Variants in GDE1 observed in about 807,000 individuals in gnomAD.
GDE1 encodes glycerophosphodiester phosphodiesterase 1.
In GDE1, 24 loss-of-function variants were observed where a neutral mutation model predicts 32.2. That is an observed-to-expected ratio of 0.75 (90% CI 0.54 to 1.05). GDE1 has a LOEUF of 1.05. GDE1 is among the 50% of genes least tolerant of loss of function. The pLI, the probability that GDE1 is intolerant of heterozygous loss-of-function variation, is 0.00. For synonymous variants in GDE1, 159 were observed against 158.6 expected, an observed-to-expected ratio of 1.00 and a Z score of -0.02; for missense variants, 380 against 415.0, an observed-to-expected ratio of 0.92 and a Z score of 0.73.
chr16:19,505,208 C>G, intron 4 of GDE1, 116 bp from the exon 5 acceptor site: 1 of 700,680 alleles, frequency 1.4e-6, no homozygotes, highest in Non-Finnish European at 2.5e-6. Flanking sequence ...GTACCCTGCC[C>G]CGGTATCTAC....
At chr16:19,520,509 G>A (rs941240748) in intron 1 of GDE1, among the ~76,000 whole-genome samples, 7 of 151,896 alleles carry the variant, frequency 4.6e-5, no homozygotes, top group African/African-American at 1.7e-4. Flanking sequence ...GGATCACTTT[G>A]AGGCCAGGAG....
chr16:19,504,817 C>A, intron 5 of GDE1, 64 bp downstream of exon 5: 2 of 1,042,056 alleles, frequency 1.9e-6, no homozygotes, highest in Non-Finnish European at 1.4e-6. Context: ...TCTGTTAATC[C>A]TTCCTTTCAA....
intron 1 of GDE1, among the ~76,000 whole-genome samples, chr16:19,520,295 G>A (rs541799650): frequency 1.3e-4 from 20 of 151,964 alleles, no homozygotes; most frequent in Admixed American, 1.3e-4. Context: ...GCAGCTACTC[G>A]GGAGGTTGAG....
intron 3 of GDE1, among the ~76,000 whole-genome samples, chr16:19,509,489 T>C (rs1344628046): frequency 5.3e-5 from 8 of 152,072 alleles, no homozygotes; most frequent in African/African-American, 1.9e-4. Context: ...GCCCAGGAAT[T>C]TATATTTTAA....
intron 2 of GDE1, among the ~76,000 whole-genome samples, chr16:19,511,454 A>T (rs1308236508): frequency 1.3e-5 from 2 of 152,058 alleles, no homozygotes; most frequent in African/African-American, 4.8e-5. Flanking sequence ...CCACATTTTT[A>T]TTGCTATACA....
chr16:19,512,927 T>TTGTA (rs1555488171), intron 2 of GDE1, among the ~76,000 whole-genome samples: 2 of 137,006 alleles, frequency 1.5e-5, no homozygotes, highest in Non-Finnish European at 3.1e-5. Context: ...TGTATCTGTT[T>TTGTA]TGTGTGTGTG....
Position 19,503,384 on chromosome 16 carries a change from G to A in GDE1, c.*86C>T. The A allele has an allele frequency of 8.4e-7, 1 of 1,190,802 alleles. No individual in the cohort carries two copies. 73.8% of individuals were successfully genotyped at this position (1,190,802 alleles called of 1,614,324 possible). The stretch of plus-strand genomic sequence containing the variant: ...TTGTGTGAGTCACCTGATTCCCCAG[G>A]GCCTGGGCTAGCACAAAGGGTATTT... On this transcript the variant is annotated 3_prime_UTR_variant, in exon 6 of 6. Transcript: ENST00000353258.
chr16:19,507,506 C>T (rs1969262964), intron 4 of GDE1, 181 bp downstream of exon 4: 5 of 527,296 alleles, frequency 9.5e-6, no homozygotes, highest in Non-Finnish European at 1.7e-5. Flanking sequence ...TAATGGCATT[C>T]TGTAAGGGGT....
intron 2 of GDE1, among the ~76,000 whole-genome samples, chr16:19,515,155 A>T (rs1969365692): frequency 6.6e-6 from 1 of 152,016 alleles, no homozygotes. Flanking sequence ...CCTGAGAGTG[A>T]AAGATGGGAG....
At chr16:19,520,135 T>A (rs1449925399) in intron 1 of GDE1, among the ~76,000 whole-genome samples, 3 of 152,090 alleles carry the variant, frequency 2.0e-5, no homozygotes, top group Non-Finnish European at 4.4e-5. Context: ...ACTTGATAAA[T>A]GTGAGTTGAG....
At chr16:19,514,165 C>A (rs1249984774) in intron 2 of GDE1, among the ~76,000 whole-genome samples, 1 of 152,098 alleles carries the variant, frequency 6.6e-6, no homozygotes, top group African/African-American at 2.4e-5. Flanking sequence ...GGGTTCCCAC[C>A]TCCTCCTCCT....
chr16:19,505,781 A>G (rs951482039), intron 4 of GDE1, among the ~76,000 whole-genome samples: 9 of 152,194 alleles, frequency 5.9e-5, no homozygotes, highest in African/African-American at 2.2e-4. Flanking sequence ...GATAGGCTCT[A>G]TCCTCACTGT....
chr16:19,506,093 A>T (rs1362201318), intron 4 of GDE1, among the ~76,000 whole-genome samples: 1 of 152,092 alleles, frequency 6.6e-6, no homozygotes, highest in Non-Finnish European at 1.5e-5. Flanking sequence ...CTGACGGAAA[A>T]ACACCCTCAT....
chr16:19,522,045 G>A lies in GDE1; in HGVS notation c.-81C>T. 2.9e-6 allele frequency: 4 copies of A among 1,402,412 alleles called. No individual in the cohort carries two copies. The South Asian group carries it at 5.6e-5, about 19-fold the overall frequency. The allele number at this position is 1,402,412 out of a possible 1,614,324, so 86.9% of individuals were successfully genotyped here. A position where few individuals can be genotyped will look rare whatever the true frequency, so the allele number is the denominator to read the frequency against. Reference sequence around the variant, plus strand: ...AGTAGAACGAGAAGCGAGGGGGAGGGTCCAAGGCACCGGCAGCAGCAGGAA... The same window carrying A: ...AGTAGAACGAGAAGCGAGGGGGAGGATCCAAGGCACCGGCAGCAGCAGGAA... On this transcript the variant is annotated 5_prime_UTR_variant, in exon 1 of 6. Transcript: ENST00000353258.
At chr16:19,509,312 A>G (rs1276725805) in intron 3 of GDE1, among the ~76,000 whole-genome samples, 3 of 152,256 alleles carry the variant, frequency 2.0e-5, no homozygotes, top group Non-Finnish European at 4.4e-5. Context: ...AAAAAATCTA[A>G]GAGAATAAGC....
At chr16:19,504,669 A>C (rs1005347879) in intron 5 of GDE1, 70 of 509,106 alleles carry the variant, frequency 1.4e-4, no homozygotes, top group African/African-American at 1.3e-3. Flanking sequence ...AATACACTAA[A>C]AAACCGAAAA....
rs1427125030 is a variant in GDE1, at chr16:19,521,880, C to T, written c.85G>A (p.Val29Ile). ...LVLLLVTRSP[V>I]NACLLTGSLF... ...CTGCCGGTGAGGAGGCAGGCATTGA[C>T]CGGGCTCCGCGTCACCAGCAGCAGC... The change falls in exon 1 of 6, where the codon GTC becomes ATC. Residue 29 changes from valine to isoleucine, a missense_variant. By Grantham distance (29) the Val-to-Ile change is conservative. Coordinates refer to ENST00000353258, the MANE Select transcript of GDE1 (RefSeq NM_016641.4). 6.2e-7 allele frequency: 1 copy of T among 1,603,502 alleles called. No individual in the cohort carries two copies. Among genetic ancestry groups the T allele is most frequent in the African/African-American group, 1.3e-5 (1 of 74,860 alleles).
At chr16:19,519,564 C>G (rs1188986735) in intron 1 of GDE1, among the ~76,000 whole-genome samples, 2 of 151,862 alleles carry the variant, frequency 1.3e-5, no homozygotes, top group African/African-American at 4.8e-5. Context: ...CCCTTTATTA[C>G]TATATTTGCT....
intron 3 of GDE1, among the ~76,000 whole-genome samples, chr16:19,509,246 G>A (rs1178884182): frequency 6.6e-6 from 1 of 152,128 alleles, no homozygotes; most frequent in Admixed American, 6.5e-5. Flanking sequence ...AGGTTGCATT[G>A]AGCCGAGATC....
Sources: gnomAD v4.1 joint callset for allele counts (sites outside exome capture counted in the v4.1 genomes callset) on GRCh38, gnomAD v4.1.1 for gene constraint, MANE v1.5 for transcripts, NCBI Gene and HGNC (gene_info 2026-07-23, HGNC 2026-07-21) for gene names.